Variants in NALCN observed in about 807,000 individuals in gnomAD.
The protein encoded by NALCN is sodium leak channel, non-selective.
Under a neutral mutation model 225.3 loss-of-function variants are expected in NALCN, and 111 were observed. The ratio of observed to expected loss-of-function variants is 0.49; its 90% confidence interval spans 0.42 to 0.58. The LOEUF is 0.58. Among genes scored for constraint, NALCN ranks in the 20% least tolerant of loss-of-function variants. NALCN has a pLI of 0.00. For synonymous variants in NALCN, 764 were observed against 769.0 expected (o/e 0.99, Z 0.11); for missense variants, 1,378 against 2,202.4 (o/e 0.63, Z 7.49).
At chr13:101,083,512 A>G (rs1344334269) in intron 31 of NALCN, among the ~76,000 whole-genome samples, 199 bp downstream of exon 31, 1 of 152,212 alleles carries the variant, frequency 6.6e-6, no homozygotes, top group Non-Finnish European at 1.5e-5. Context: ...GCTTAGTCTG[A>G]GAGCACTGAA....
intron 33 of NALCN, 79 bp from the exon 34 acceptor site, chr13:101,081,725 T>C (rs1266948500): frequency 3.3e-6 from 5 of 1,512,454 alleles, no homozygotes; most frequent in African/African-American, 1.4e-5. Context: ...AGATGCATTA[T>C]GTGTATGTAT....
At chr13:101,095,720 G>T in intron 27 of NALCN, 40 bp from the exon 28 acceptor site, 1 of 1,477,322 alleles carries the variant, frequency 6.8e-7, no homozygotes, top group Non-Finnish European at 9.3e-7. Context: ...AACCTGGTCA[G>T]AAAATGAACT....
intron 3 of NALCN, among the ~76,000 whole-genome samples, chr13:101,379,178 C>A (rs181564671): frequency 2.6e-5 from 4 of 152,132 alleles, no homozygotes. Flanking sequence ...TACCATCTCA[C>A]GCCAGTTTAA....
At chr13:101,069,350 A>G (rs12865863) in intron 37 of NALCN, among the ~76,000 whole-genome samples, 41,273 of 152,216 alleles carry the variant, frequency 0.27, 6,015 homozygotes, top group African/African-American at 0.33. Context: ...TGTTTATACC[A>G]TACTGTGGCT....
chr13:101,349,630 C>T (rs2045848399), intron 6 of NALCN, among the ~76,000 whole-genome samples: 1 of 131,414 alleles, frequency 7.6e-6, no homozygotes, highest in African/African-American at 2.8e-5. Context: ...ATTTCTTAGG[C>T]CATTCTGCTT....
chr13:101,210,445 A>G (rs796707652), intron 13 of NALCN, among the ~76,000 whole-genome samples: 5 of 152,146 alleles, frequency 3.3e-5, no homozygotes, highest in East Asian at 1.9e-4. Context: ...TTAGTTCCGT[A>G]TATGTAATAG....
At chr13:101,270,952 T>C (rs988425337) in intron 10 of NALCN, among the ~76,000 whole-genome samples, 11 of 152,230 alleles carry the variant, frequency 7.2e-5, no homozygotes, top group Non-Finnish European at 5.9e-5. Context: ...TTGTCTCCAA[T>C]GGACATTTTA....
chr13:101,140,349 C>A (rs1025099187), intron 17 of NALCN, among the ~76,000 whole-genome samples: 1 of 152,122 alleles, frequency 6.6e-6, no homozygotes, highest in African/African-American at 2.4e-5. Flanking sequence ...CTCACCAAAT[C>A]AAAATACTGT....
chr13:101,147,870 CGGCCCTCTGCT>C lies in NALCN; in HGVS notation c.1840-2985_1840-2975del, dbSNP rs1321655389. Among the ~76,000 whole-genome samples, 7 of 152,198 alleles carry C rather than the reference CGGCCCTCTGCT, an allele frequency of 4.6e-5. 1 individual carries two copies. In the South Asian group the frequency reaches 1.0e-3, roughly 23 times the overall value. On this transcript the variant is annotated intron_variant, in intron 15 of 43. Coordinates refer to ENST00000251127, the MANE Select transcript of NALCN (RefSeq NM_052867.4). ...ACCTCTGTGCCTCCCCCACCTCTGCCGGCCCTCTGCTGGCCCTCTGCTGGGTTCCCCTTTCT... is the reference window on the plus strand; with the variant it reads ...ACCTCTGTGCCTCCCCCACCTCTGCCGGCCCTCTGCTGGGTTCCCCTTTCT...
In NALCN at chr13:101,110,603, A is replaced by G; in HGVS notation, c.2364+16T>C. ...TAATCACGTTTCTGAAATCCAAAGC[A>G]TTGCTTAAAACTTACATCTTGAGTC... On this transcript the variant is annotated intron_variant, in intron 20 of 43. Coordinates refer to ENST00000251127, the MANE Select transcript of NALCN (RefSeq NM_052867.4). 4 of 1,613,666 alleles carry G rather than the reference A, an allele frequency of 2.5e-6. No individual in the cohort carries two copies. The highest frequency in any genetic ancestry group is 3.4e-6 in the Non-Finnish European group (4 of 1,179,722).
intron 11 of NALCN, among the ~76,000 whole-genome samples, chr13:101,252,148 A>C (rs991746069): frequency 3.3e-5 from 5 of 152,196 alleles, no homozygotes; most frequent in African/African-American, 1.2e-4. Context: ...AGCTTCTAAG[A>C]GTAGAAAGAG....
chr13:101,164,057 C>G (rs1330434814), intron 15 of NALCN, among the ~76,000 whole-genome samples: 1 of 152,024 alleles, frequency 6.6e-6, no homozygotes, highest in African/African-American at 2.4e-5. Flanking sequence ...ATATTGAGTC[C>G]ACCCTAATGA....
intron 15 of NALCN, among the ~76,000 whole-genome samples, chr13:101,174,215 G>A (rs1236538208): frequency 6.6e-6 from 1 of 152,130 alleles, no homozygotes; most frequent in Non-Finnish European, 1.5e-5. Flanking sequence ...ATAAAGAATA[G>A]TGTAAAAAGT....
intron 26 of NALCN, among the ~76,000 whole-genome samples, chr13:101,102,543 A>G (rs1271218625): frequency 1.3e-5 from 2 of 152,190 alleles, no homozygotes; most frequent in African/African-American, 2.4e-5. Flanking sequence ...GTGAACAATG[A>G]GCCTCTTTCT....
At chr13:101,118,166 G>T (rs1388065003) in intron 18 of NALCN, among the ~76,000 whole-genome samples, 1 of 152,076 alleles carries the variant, frequency 6.6e-6, no homozygotes, top group Admixed American at 6.6e-5. Flanking sequence ...GGGAGACTGT[G>T]CCTGTGTGGG....
intron 17 of NALCN, among the ~76,000 whole-genome samples, chr13:101,128,745 A>T (rs901867546): frequency 6.6e-6 from 1 of 150,662 alleles, no homozygotes; most frequent in African/African-American, 2.4e-5. Context: ...TTTTTTTTTA[A>T]GAGATGGGGT....
chr13:101,218,671 T>A (rs1368056957), intron 13 of NALCN, among the ~76,000 whole-genome samples: 1 of 152,052 alleles, frequency 6.6e-6, no homozygotes, highest in Non-Finnish European at 1.5e-5. Flanking sequence ...ACTGAGTGAG[T>A]CATCATGAAA....
At chr13:101,130,724 C>T (rs751638618) in intron 17 of NALCN, among the ~76,000 whole-genome samples, 15 of 152,164 alleles carry the variant, frequency 9.9e-5, no homozygotes, top group South Asian at 2.1e-4. Context: ...GATAATCTAA[C>T]GTTCTTTCCT....
At chr13:101,154,333 C>T (rs1469117997) in intron 15 of NALCN, among the ~76,000 whole-genome samples, 1 of 152,166 alleles carries the variant, frequency 6.6e-6, no homozygotes, top group African/African-American at 2.4e-5. Flanking sequence ...CACACCAAAA[C>T]AACACTTTCA....
Sources: allele counts gnomAD v4.1 joint callset (sites outside exome capture counted in the v4.1 genomes callset), GRCh38; gene constraint gnomAD v4.1.1; transcripts MANE v1.5; gene names NCBI Gene and HGNC (gene_info 2026-07-23, HGNC 2026-07-21).